The following SEC31B variants were observed in gnomAD, a reference collection of about 807,000 sequenced individuals.
The protein encoded by SEC31B is protein transport protein Sec31B.
SEC31B carries 113 observed loss-of-function variants against 135.0 expected under a neutral mutation model. The ratio of observed to expected loss-of-function variants is 0.84; its 90% CI spans 0.72 to 0.98. The LOEUF is 0.98. Ranked by LOEUF, SEC31B falls within the 50% of genes least tolerant of loss-of-function variation. SEC31B has a pLI of 0.00. For synonymous variants in SEC31B, 508 were observed against 549.4 expected, an observed-to-expected ratio of 0.92 and a Z score of 1.05; for missense variants, 1,296 against 1,421.1, an observed-to-expected ratio of 0.91 and a Z score of 1.42.
chr10:100,505,242 T>A, intron 10 of SEC31B, 119 bp downstream of exon 10: 1 of 1,279,520 alleles, frequency 7.8e-7, no homozygotes, highest in Non-Finnish European at 1.1e-6. Flanking sequence ...ACAGAGGCAG[T>A]GGGAATACGT....
At chr10:100,517,251 C>G (rs2133701525) in intron 1 of SEC31B, among the ~76,000 whole-genome samples, 1 of 152,354 alleles carries the variant, frequency 6.6e-6, no homozygotes. Flanking sequence ...CAGACAATCT[C>G]TCAGTGATGT....
chr10:100,487,860 G>C, intron 25 of SEC31B, 65 bp from the exon 26 acceptor site: 1 of 1,590,032 alleles, frequency 6.3e-7, no homozygotes, highest in East Asian at 2.2e-5. Context: ...AGCATGGAAG[G>C]GATAAGGGAA....
At chr10:100,506,554 T>A (rs979180088) in intron 7 of SEC31B, 134 bp from the exon 8 acceptor site, 1 of 731,372 alleles carries the variant, frequency 1.4e-6, no homozygotes, top group Non-Finnish European at 2.2e-6. Context: ...TCTGATATTA[T>A]CTTACAAATG....
chr10:100,488,563 G>A lies in SEC31B; in HGVS notation c.3288+295C>T, dbSNP rs1024669979. Among the ~76,000 whole-genome samples, 15 of 151,716 alleles carry A rather than the reference G, an allele frequency of 9.9e-5. 1 individual carries two copies. In the South Asian group the frequency reaches 1.5e-3, roughly 15 times the overall value. On this transcript the variant is annotated intron_variant, in intron 24 of 25. Coordinates refer to ENST00000370345, the MANE Select transcript of SEC31B (RefSeq NM_015490.4). ...GAAGGGTAAGTGACTTGCTCAAGCC[G>A]ACACAGCCAGCAGGGGAATGGCAGA...
rs1851408800 is a variant in SEC31B at position 100,496,361 on chromosome 10, G to A, written c.2207C>T (p.Pro736Leu). 6.2e-7 allele frequency: 1 copy of A among 1,614,172 alleles called. No individual in the cohort carries two copies. ...GACCCTGTAGGTTGTGGCAGGGCCTGGGCTCACCCCATGAGGACCCCGCAG... is the reference window on the plus strand; with the variant it reads ...GACCCTGTAGGTTGTGGCAGGGCCTAGGCTCACCCCATGAGGACCCCGCAG... ...EQLRGPHGVS[P>L]GPATTYRVTQ... The change falls in exon 18 of 26, where the codon CCA becomes CTA. Residue 736 changes from proline to leucine, a missense_variant. Physicochemically the swap from Pro to Leu is moderately conservative, Grantham distance 98. Transcript: ENST00000370345.
intron 22 of SEC31B, 25 bp from the exon 23 acceptor site, chr10:100,489,423 G>A: frequency 9.3e-6 from 15 of 1,611,770 alleles, no homozygotes; most frequent in Non-Finnish European, 1.2e-5. Context: ...GGAAAGACAT[G>A]AGTCTAACCT....
intron 6 of SEC31B, among the ~76,000 whole-genome samples, 156 bp from the exon 7 acceptor site, chr10:100,507,723 A>G (rs1283596945): frequency 1.3e-5 from 2 of 152,238 alleles, no homozygotes; most frequent in Non-Finnish European, 2.9e-5. Flanking sequence ...GAATGGCAGA[A>G]GCTTCCAGAT....
chr10:100,507,865 A>G (rs768077485), intron 6 of SEC31B, 43 bp downstream of exon 6: 1 of 1,613,462 alleles, frequency 6.2e-7, no homozygotes, highest in South Asian at 1.1e-5. Flanking sequence ...GGCAGGAGAG[A>G]GAAGCCAGAG....
chr10:100,502,459 C>G lies in SEC31B; in HGVS notation c.1205G>C (p.Gly402Ala), dbSNP rs1428993336. The G allele has an allele frequency of 6.2e-7, 1 of 1,613,156 alleles. No individual in the cohort carries two copies. Among genetic ancestry groups the G allele is most frequent in the Non-Finnish European group, 8.5e-7 (1 of 1,179,774 alleles). ...FAFGGKLVTF[G>A]LPSTPAHLVP... ...CAGATGGGCAGGGGTGCTGGGGAGG[C>G]CAAAAGTAACCAGCTTCCCTCCAAA... The change falls in exon 11 of 26, where the codon GGC (glycine) becomes GCC (alanine). Residue 402 changes from glycine to alanine, a missense_variant. By Grantham distance (60) the Gly-to-Ala change is moderately conservative (BLOSUM62 0). Coordinates refer to ENST00000370345, the MANE Select transcript of SEC31B (RefSeq NM_015490.4).
chr10:100,516,073 C>T, intron 3 of SEC31B, 23 bp downstream of exon 3: 1 of 1,613,714 alleles, frequency 6.2e-7, no homozygotes, highest in Non-Finnish European at 8.5e-7. Flanking sequence ...ACCCTGTATA[C>T]CCATCAATAG....
rs145501600 is a variant in SEC31B at position 100,502,025 on chromosome 10, G to A, written c.1410+229C>T. On this transcript the variant is annotated intron_variant, in intron 11 of 25. Coordinates refer to ENST00000370345, the MANE Select transcript of SEC31B (RefSeq NM_015490.4). ...TAGTAGCAACAAAAGAAAACATCTC[G>A]TGTATTCCCCATCTTTCCTAGCCTC... is the stretch of plus-strand genomic sequence containing the variant. Among the ~76,000 whole-genome samples the A allele has an allele frequency of 7.2e-5, 11 of 152,290 alleles. No homozygotes were observed. The East Asian group carries it at 1.2e-3, about 16-fold the overall frequency.
rs375053998 is a variant in SEC31B at position 100,516,095 on chromosome 10, C to T, written c.203+1G>A. 5.0e-5 allele frequency: 80 copies of T among 1,613,968 alleles called. No individual in the cohort carries two copies. The Admixed American group carries it at 6.0e-4, about 12-fold the overall frequency. The stretch of plus-strand genomic sequence containing the variant: ...ATACCCATCAATAGATCAGACAATA[C>T]CTGCTCAAGGCAGAAAGGACTCCTC... On this transcript the variant is annotated splice_donor_variant, in intron 3 of 25. Coordinates refer to ENST00000370345, the MANE Select transcript of SEC31B (RefSeq NM_015490.4). LOFTEE classifies it high-confidence loss of function.
At chr10:100,500,054 C>T in intron 11 of SEC31B, 1 of 456,946 alleles carries the variant, frequency 2.2e-6, no homozygotes, top group South Asian at 1.5e-5. Flanking sequence ...AGAATTGGTA[C>T]AAGAGATATT....
rs796238046 is a variant in SEC31B, at chr10:100,508,607, A to AC, written c.495+399dup. On this transcript the variant is annotated intron_variant, in intron 5 of 25. Coordinates refer to ENST00000370345, the MANE Select transcript of SEC31B (RefSeq NM_015490.4). ...GCCACATACAGGGAGAACAAAGCTG[A>AC]CCCCCCCCTCCATAAAAAGGACAAT... 1.5e-3 allele frequency: 631 copies of AC among 415,992 alleles called. 1 individual carries two copies. Among genetic ancestry groups the AC allele is most frequent in the African/African-American group, 0.01 (490 of 47,036 alleles). 25.8% of individuals were successfully genotyped at this position (415,992 alleles called of 1,614,324 possible). A position where few individuals can be genotyped will look rare whatever the true frequency, so the allele number is the denominator to read the frequency against.
chr10:100,516,327 C>T, intron 2 of SEC31B, 108 bp from the exon 3 acceptor site: 1 of 1,304,254 alleles, frequency 7.7e-7, no homozygotes, highest in Non-Finnish European at 1.0e-6. Context: ...CTGGGTATAC[C>T]CTTTCTCAAA....
At chr10:100,496,918 G>GA (rs760426891) in intron 17 of SEC31B, among the ~76,000 whole-genome samples, 98 of 152,266 alleles carry the variant, frequency 6.4e-4, no homozygotes, top group Non-Finnish European at 1.3e-3. Context: ...CCTGAAATAG[G>GA]AAAAAAATTA....
Position 100,490,193 on chromosome 10 carries a change from G to A in SEC31B, c.2780C>T (p.Ser927Phe), listed in dbSNP as rs749668673. 3 of 1,609,764 alleles carry A rather than the reference G, an allele frequency of 1.9e-6. No individual in the cohort carries two copies. The highest frequency in any genetic ancestry group is 2.5e-6 in the Non-Finnish European group (3 of 1,178,044). The change falls in exon 21 of 26, where the codon TCT becomes TTT. Residue 927 changes from serine to phenylalanine, a missense_variant. Physicochemically the swap from Ser to Phe is radical, Grantham distance 155. Transcript: ENST00000370345. ...MACPGIMRPG[S>F]TSLPETPRLF... is the part of the protein sequence containing the mutation. Reference sequence around the variant, plus strand: ...TCTAGGAGTCTCAGGCAGGGAGGTAGAGCCAGGTCGCATGATGCCTGGGCA... The same window carrying A: ...TCTAGGAGTCTCAGGCAGGGAGGTAAAGCCAGGTCGCATGATGCCTGGGCA...
At chr10:100,505,129 C>G (rs1387330894) in intron 10 of SEC31B, among the ~76,000 whole-genome samples, 1 of 152,074 alleles carries the variant, frequency 6.6e-6, no homozygotes, top group Non-Finnish European at 1.5e-5. Context: ...AGGCAGTCAG[C>G]TCCTTTTAGA....
At chr10:100,492,233 AT>A (rs1325763165) in intron 19 of SEC31B, among the ~76,000 whole-genome samples, 2 of 151,986 alleles carry the variant, frequency 1.3e-5, no homozygotes, top group African/African-American at 2.4e-5. Flanking sequence ...CTATTTATTT[AT>A]TTTTTTTGAG....
Sources: gnomAD v4.1 joint callset for allele counts (sites outside exome capture counted in the v4.1 genomes callset) on GRCh38, gnomAD v4.1.1 for gene constraint, MANE v1.5 for transcripts, NCBI Gene and HGNC (gene_info 2026-07-23, HGNC 2026-07-21) for gene names.